Variants in GLIS3 observed in about 807,000 individuals in gnomAD.
GLIS3 encodes zinc finger protein GLIS3.
GLIS3 carries 53 observed loss-of-function variants against 78.6 expected under a neutral mutation model. The ratio of observed to expected loss-of-function variants is 0.67; its 90% confidence interval spans 0.54 to 0.85. GLIS3 has a LOEUF of 0.85. Among genes scored for constraint, GLIS3 ranks in the 40% least tolerant of loss-of-function variants. GLIS3 has a pLI of 0.00. For missense variants in GLIS3, 1,703 were observed against 1,231.1 expected (o/e 1.38, Z -5.74); for synonymous variants, 684 against 509.9 (o/e 1.34, Z -4.60).
upstream of GLIS3, among the ~76,000 whole-genome samples, chr9:4,303,524 G>T (rs1817148276): frequency 6.6e-6 from 1 of 152,026 alleles, no homozygotes; most frequent in Non-Finnish European, 1.5e-5. Flanking sequence ...AAACTCTTCG[G>T]CTCACATACA....
chr9:4,216,637 T>A (rs1247179339), intron 2 of GLIS3, among the ~76,000 whole-genome samples: 1 of 152,208 alleles, frequency 6.6e-6, no homozygotes, highest in Non-Finnish European at 1.5e-5. Context: ...TTCATGGTGA[T>A]GCATACCTAG....
chr9:4,183,240 G>A (rs1817489491), intron 2 of GLIS3, among the ~76,000 whole-genome samples: 1 of 152,094 alleles, frequency 6.6e-6, no homozygotes, highest in African/African-American at 2.4e-5. Context: ...ATTCAACATA[G>A]AACTTTAAGG....
Position 3,908,710 on chromosome 9 carries a change from T to TTG in GLIS3, c.1984-9876_1984-9875insCA, listed in dbSNP as rs1240632358. 2.2e-4 allele frequency among the ~76,000 whole-genome samples: 29 copies of TTG among 132,568 alleles called. No homozygotes were observed. In the East Asian group the frequency reaches 5.4e-3, roughly 25 times the overall value. The allele number at this position is 132,568 out of a possible 152,430, so 87.0% of individuals were successfully genotyped here. On this transcript the variant is annotated intron_variant, in intron 6 of 10. Coordinates refer to ENST00000381971, the MANE Select transcript of GLIS3 (RefSeq NM_001042413.2). Reference sequence around the variant, plus strand: ...CATCAATTGTGATTTGTATTTGTTTTTTTTTTTTTTTTTTTTTTGTACAGG... The same window carrying TTG: ...CATCAATTGTGATTTGTATTTGTTTTTGTTTTTTTTTTTTTTTTTTGTACAGG...
chr9:4,279,431 G>A (rs1827352438), intron 2 of GLIS3, among the ~76,000 whole-genome samples: 2 of 142,766 alleles, frequency 1.4e-5, no homozygotes, highest in Non-Finnish European at 3.0e-5. Context: ...CACAAAGAAA[G>A]GTAGAGGAAC....
chr9:3,991,022 G>A (rs1180153215), intron 4 of GLIS3, among the ~76,000 whole-genome samples: 3 of 152,116 alleles, frequency 2.0e-5, no homozygotes, highest in Non-Finnish European at 2.9e-5. Context: ...TAGGGTTAAG[G>A]AACTTGACAA....
chr9:4,244,057 A>C lies in GLIS3; in HGVS notation c.388+41981T>G, dbSNP rs80024673. ...ACATACGTGCATACAAACACTTAAA[A>C]TTTCCTTTCTGAATTCCACTCATCT... On this transcript the variant is annotated intron_variant, in intron 2 of 10. Coordinates refer to ENST00000381971, the MANE Select transcript of GLIS3 (RefSeq NM_001042413.2). 6.7e-3 allele frequency among the ~76,000 whole-genome samples: 1,025 copies of C among 152,286 alleles called. 22 individuals carry two copies. Among genetic ancestry groups the C allele is most frequent in the East Asian group, 0.066 (341 of 5,172 alleles).
chr9:4,294,962 C>T (rs1816351891), intron 1 of GLIS3, among the ~76,000 whole-genome samples: 1 of 152,152 alleles, frequency 6.6e-6, no homozygotes, highest in Admixed American at 6.5e-5. Flanking sequence ...TGAGGTGTGA[C>T]CATAATCATG....
At chr9:4,347,216 G>C (rs956508819) in intron 1 of GLIS3, 1 of 152,164 alleles carries the variant, frequency 6.6e-6, no homozygotes, top group African/African-American at 2.4e-5. Flanking sequence ...GAAAGAGACA[G>C]AGGAAGTGTC....
chr9:4,255,956 G>A (rs547569270), intron 2 of GLIS3, among the ~76,000 whole-genome samples: 11 of 152,228 alleles, frequency 7.2e-5, no homozygotes, highest in Non-Finnish European at 1.2e-4. Flanking sequence ...GTATATATGC[G>A]TGCAGGGAGT....
At chr9:4,236,375 CCAAA>C (rs1437964817) in intron 2 of GLIS3, among the ~76,000 whole-genome samples, 2 of 152,084 alleles carry the variant, frequency 1.3e-5, no homozygotes, top group Non-Finnish European at 2.9e-5. Context: ...AGTTCCTGCT[CCAAA>C]CAAACAGATT....
At chr9:4,340,929 G>A (rs1026073968) in intron 2 of GLIS3, among the ~76,000 whole-genome samples, 2 of 152,018 alleles carry the variant, frequency 1.3e-5, no homozygotes, top group South Asian at 2.1e-4. Flanking sequence ...CACCTGCCTC[G>A]GCCTCCCAAA....
intron 2 of GLIS3, among the ~76,000 whole-genome samples, chr9:4,343,227 A>G (rs538855047): frequency 6.6e-6 from 1 of 152,246 alleles, no homozygotes; most frequent in South Asian, 2.1e-4. Flanking sequence ...CTGTGGTCCC[A>G]GCTACTTGAA....
intron 2 of GLIS3, among the ~76,000 whole-genome samples, chr9:4,327,047 G>A (rs1422513913): frequency 1.3e-5 from 2 of 152,214 alleles, no homozygotes; most frequent in Non-Finnish European, 2.9e-5. Flanking sequence ...CATGAAACAA[G>A]TAATCTCATA....
At chr9:4,153,804 A>G (rs544219377) in intron 2 of GLIS3, among the ~76,000 whole-genome samples, 1 of 152,364 alleles carries the variant, frequency 6.6e-6, no homozygotes, top group Admixed American at 6.5e-5. Flanking sequence ...CTGATTATCT[A>G]CTGCTACATA....
chr9:4,031,315 A>T (rs962082398), intron 4 of GLIS3, among the ~76,000 whole-genome samples: 5 of 152,182 alleles, frequency 3.3e-5, no homozygotes, highest in African/African-American at 1.2e-4. Flanking sequence ...ATAAAAAATG[A>T]ATGAGGCACT....
chr9:4,376,211 G>A, the GLIS3 span, among the ~76,000 whole-genome samples: 1 of 152,116 alleles, frequency 6.6e-6, no homozygotes, highest in African/African-American at 2.4e-5. Flanking sequence ...AGAGACAAAT[G>A]GTTCCTTTCA....
At chr9:3,902,931 C>A (rs906633277) in intron 6 of GLIS3, among the ~76,000 whole-genome samples, 1 of 152,090 alleles carries the variant, frequency 6.6e-6, no homozygotes, top group East Asian at 1.9e-4. Context: ...TTAGCAGATA[C>A]TAGGAAAAGT....
chr9:4,462,117 A>G, the GLIS3 span, among the ~76,000 whole-genome samples: 1 of 152,174 alleles, frequency 6.6e-6, no homozygotes, highest in Non-Finnish European at 1.5e-5. Context: ...GGGCCACACC[A>G]TTAGATTACG....
At chr9:3,960,676 C>A (rs1436753077) in intron 4 of GLIS3, among the ~76,000 whole-genome samples, 1 of 152,118 alleles carries the variant, frequency 6.6e-6, no homozygotes, top group Non-Finnish European at 1.5e-5. Context: ...TCATATGAAC[C>A]TACACTTAGT....
Sources: gnomAD v4.1 joint callset for allele counts (sites outside exome capture counted in the v4.1 genomes callset) on GRCh38, gnomAD v4.1.1 for gene constraint, MANE v1.5 for transcripts, NCBI Gene and HGNC (gene_info 2026-07-23, HGNC 2026-07-21) for gene names.